Variants in TRPM7 observed in about 807,000 individuals in gnomAD.
The protein encoded by TRPM7 is transient receptor potential cation channel subfamily M member 7, also known as LTRPC ion channel family member 7.
In TRPM7, 134 loss-of-function variants were observed where a neutral mutation model predicts 229.7. That is an observed-to-expected ratio of 0.58 (90% CI 0.51 to 0.67). The LOEUF is 0.67. TRPM7 is among the 30% of genes least tolerant of loss of function. TRPM7 has a pLI of 0.00. For synonymous variants in TRPM7, 699 were observed against 715.2 expected (o/e 0.98, Z 0.36); for missense variants, 1,901 against 2,210.0 (o/e 0.86, Z 2.80).
At chr15:50,624,936 C>A (rs1270589069) in intron 11 of TRPM7, among the ~76,000 whole-genome samples, 2 of 152,158 alleles carry the variant, frequency 1.3e-5, no homozygotes, top group African/African-American at 4.8e-5. Context: ...TAAAAGAAAT[C>A]ATTCATCATT....
chr15:50,565,096 C>T (rs113261562), intron 38 of TRPM7, among the ~76,000 whole-genome samples: 3,088 of 152,122 alleles, frequency 0.02, 122 homozygotes, highest in African/African-American at 0.071. Context: ...ATTCGCCTGC[C>T]TCAGCCTCCC....
chr15:50,645,695 C>T (rs1387135726), intron 4 of TRPM7, among the ~76,000 whole-genome samples: 1 of 152,030 alleles, frequency 6.6e-6, no homozygotes, highest in Non-Finnish European at 1.5e-5. Flanking sequence ...TATTTGGGCA[C>T]ATAAAGTAGT....
chr15:50,664,812 T>C (rs2061838757), intron 1 of TRPM7, among the ~76,000 whole-genome samples: 1 of 151,926 alleles, frequency 6.6e-6, no homozygotes, highest in East Asian at 1.9e-4. Flanking sequence ...AATTAAACAG[T>C]CAGCCGGGTG....
intron 27 of TRPM7, among the ~76,000 whole-genome samples, chr15:50,587,195 G>C (rs186037537): frequency 6.6e-4 from 100 of 152,110 alleles, no homozygotes; most frequent in Non-Finnish European, 1.1e-3. Flanking sequence ...TCCTTTTGGG[G>C]ATCTTGGTAA....
chr15:50,679,519 T>TATATATATATATATA (rs2062188005), intron 1 of TRPM7, among the ~76,000 whole-genome samples: 1 of 18,058 alleles, frequency 5.5e-5, no homozygotes, highest in Admixed American at 8.6e-4. Context: ...ATAATATATA[T>TATATATATATATATA]ATATATATAT....
chr15:50,675,428 C>T (rs28452820), intron 1 of TRPM7, among the ~76,000 whole-genome samples: 3,085 of 152,206 alleles, frequency 0.02, 122 homozygotes, highest in African/African-American at 0.071. Flanking sequence ...ACCTCTCATT[C>T]TGTTTATGTA....
At position 50,593,756 on chromosome 15, in the gene TRPM7, G is replaced by A. The variant is rs1315899926; in HGVS notation, c.3476-7C>T. On this transcript the variant is annotated splice_polypyrimidine_tract_variant and splice_region_variant and intron_variant, in intron 24 of 38. Coordinates refer to ENST00000646667, the MANE Select transcript of TRPM7 (RefSeq NM_017672.6). ...TCTTCTGTTAAGAAAAGTTCTATGG[G>A]AGGAAAAGGAGAAGAAAATCAAGGA... The A allele has an allele frequency of 6.3e-7, 1 of 1,595,938 alleles. No homozygotes were observed. Among genetic ancestry groups the A allele is most frequent in the African/African-American group, 1.4e-5 (1 of 73,902 alleles).
At chr15:50,612,254 T>G (rs537542596) in intron 16 of TRPM7, among the ~76,000 whole-genome samples, 40 of 152,234 alleles carry the variant, frequency 2.6e-4, no homozygotes, top group African/African-American at 8.4e-4. Context: ...CCACACCCAG[T>G]TAATTTTTAA....
chr15:50,652,004 A>G (rs1033210909), intron 3 of TRPM7, among the ~76,000 whole-genome samples: 4 of 152,058 alleles, frequency 2.6e-5, no homozygotes, highest in Non-Finnish European at 5.9e-5. Context: ...ACAGCAAATT[A>G]AACTCAAAGT....
rs762233235 is a variant in TRPM7 at position 50,648,867 on chromosome 15, C to G, written c.141G>C (p.Leu47Phe). ...QQLVRCFCGR[L>F]VKQHACFTAS... is the part of the protein sequence containing the mutation. ...CAGTAAAACAAGCATGTTGCTTGAC[C>G]AAGCGACCACAAAAACACCTAAAAG... is the stretch of plus-strand genomic sequence containing the variant. Residue 47 changes from leucine (L) to phenylalanine (F), a missense_variant, in exon 4 of 39, where the codon TTG becomes TTC. Physicochemically the swap from Leu to Phe is conservative, Grantham distance 22 (BLOSUM62 0). Transcript: ENST00000646667. The G allele has an allele frequency of 3.1e-6, 5 of 1,607,036 alleles. No individual in the cohort carries two copies. Among genetic ancestry groups the G allele is most frequent in the South Asian group, 1.1e-5 (1 of 89,718 alleles).
At chr15:50,582,793 A>G (rs77153164) in intron 29 of TRPM7, among the ~76,000 whole-genome samples, 5,352 of 152,248 alleles carry the variant, frequency 0.035, 311 homozygotes, top group African/African-American at 0.12. Context: ...GTGCTTTTAA[A>G]GGGAATTTGC....
At chr15:50,601,634 T>G (rs1444532860) in intron 21 of TRPM7, among the ~76,000 whole-genome samples, 2 of 152,054 alleles carry the variant, frequency 1.3e-5, no homozygotes, top group African/African-American at 2.4e-5. Flanking sequence ...ACAGCGAGAC[T>G]CCATCTTAAA....
intron 12 of TRPM7, among the ~76,000 whole-genome samples, chr15:50,620,622 T>A (rs2060367005): frequency 6.6e-6 from 1 of 152,212 alleles, no homozygotes; most frequent in African/African-American, 2.4e-5. Context: ...TACTTTGCTC[T>A]GCCTTCTTTT....
At chr15:50,667,136 G>A (rs2061903282) in intron 1 of TRPM7, among the ~76,000 whole-genome samples, 1 of 152,036 alleles carries the variant, frequency 6.6e-6, no homozygotes, top group African/African-American at 2.4e-5. Context: ...CCGACTCTGG[G>A]GGTGTCTAAT....
At chr15:50,648,325 C>G (rs1261415757) in intron 4 of TRPM7, among the ~76,000 whole-genome samples, 1 of 151,564 alleles carries the variant, frequency 6.6e-6, no homozygotes, top group African/African-American at 2.4e-5. Context: ...AAATAGATAA[C>G]TAATAACATA....
At chr15:50,589,678 T>G (rs1443750686) in intron 26 of TRPM7, 22 bp from the exon 27 acceptor site, 1 of 1,528,362 alleles carries the variant, frequency 6.5e-7, no homozygotes, top group Non-Finnish European at 8.9e-7. Flanking sequence ...AAAAAGATGT[T>G]GCAATGAGAA....
chr15:50,643,086 C>A (rs1337725947), intron 5 of TRPM7, among the ~76,000 whole-genome samples: 2 of 152,010 alleles, frequency 1.3e-5, no homozygotes. Context: ...GTCAGCAGTT[C>A]GAGACCAGCC....
At chr15:50,642,793 AT>A (rs2061141942) in intron 5 of TRPM7, among the ~76,000 whole-genome samples, 1 of 152,152 alleles carries the variant, frequency 6.6e-6, no homozygotes, top group Non-Finnish European at 1.5e-5. Flanking sequence ...GTAAATCTTT[AT>A]TCAAGGTTTG....
At chr15:50,684,779 A>T (rs1302592660) in intron 1 of TRPM7, among the ~76,000 whole-genome samples, 1 of 152,204 alleles carries the variant, frequency 6.6e-6, no homozygotes. Context: ...AATAAATGGT[A>T]AAAGACACCC....
Sources: allele counts gnomAD v4.1 joint callset (sites outside exome capture counted in the v4.1 genomes callset), GRCh38; gene constraint gnomAD v4.1.1; transcripts MANE v1.5; gene names NCBI Gene and HGNC (gene_info 2026-07-23, HGNC 2026-07-21).